The following LINGO1 variants were observed in gnomAD, a reference collection of about 807,000 sequenced individuals.
The protein encoded by LINGO1 is leucine rich repeat and Ig domain containing 1.
In LINGO1, 11 loss-of-function variants were observed where a neutral mutation model predicts 37.3. The ratio of observed to expected loss-of-function variants is 0.29; its 90% CI spans 0.19 to 0.49. The LOEUF (loss-of-function observed/expected upper bound fraction) is 0.49. Ranked by LOEUF, LINGO1 falls within the 20% of genes least tolerant of loss-of-function variation. The pLI is 0.99. For missense variants in LINGO1, 585 were observed against 878.2 expected (o/e 0.67, Z 4.22); for synonymous variants, 387 against 403.0 (o/e 0.96, Z 0.48).
intron 1 of LINGO1, among the ~76,000 whole-genome samples, chr15:77,777,318 A>G (rs1277948740): frequency 2.0e-5 from 3 of 152,050 alleles, no homozygotes; most frequent in Admixed American, 6.6e-5. Context: ...GCCACAGCAC[A>G]GGCGCACACA....
chr15:77,765,364 G>A (rs1263922028), intron 1 of LINGO1, among the ~76,000 whole-genome samples: 3 of 151,474 alleles, frequency 2.0e-5, no homozygotes, highest in African/African-American at 7.3e-5. Flanking sequence ...GCAATGAGCC[G>A]AGACCGTGCC....
chr15:77,721,245 A>G (rs1254794885), intron 2 of LINGO1, among the ~76,000 whole-genome samples: 1 of 151,734 alleles, frequency 6.6e-6, no homozygotes, highest in Non-Finnish European at 1.5e-5. Flanking sequence ...TACCTCCCCA[A>G]GCTCACTCCA....
Position 77,615,015 on chromosome 15 carries a change from G to T in LINGO1, c.892C>A (p.Pro298Thr). The T allele has an allele frequency of 1.2e-6, 2 of 1,614,058 alleles. No homozygotes were observed. The highest frequency in any genetic ancestry group is 1.6e-4 in the Middle Eastern group (1 of 6,062). ...ATGGAGCCCTCAATGGTGCTGATGGGGTTGTAGGAGAGGTTGAGGAAGCGG... is the reference window on the plus strand; with the variant it reads ...ATGGAGCCCTCAATGGTGCTGATGGTGTTGTAGGAGAGGTTGAGGAAGCGG... Reference protein sequence around the residue: ...YLRFLNLSYNPISTIEGSMLH... With the variant: ...YLRFLNLSYNTISTIEGSMLH... The change falls in exon 2 of 2, where the codon CCC becomes ACC. Residue 298 changes from proline to threonine, a missense_variant. By Grantham distance (38) the Pro-to-Thr change is conservative (BLOSUM62 -1). This residue lies in a region of LINGO1 where 484 missense variants were observed against 735.0 expected (regional missense o/e 0.66). Coordinates refer to ENST00000355300, the MANE Select transcript of LINGO1 (RefSeq NM_032808.7).
At chr15:77,669,840 G>A (rs747527131) in intron 3 of LINGO1, among the ~76,000 whole-genome samples, 1 of 152,200 alleles carries the variant, frequency 6.6e-6, no homozygotes, top group East Asian at 1.9e-4. Context: ...TCGCCTTACG[G>A]CCCAGCAACT....
intron 1 of LINGO1, among the ~76,000 whole-genome samples, chr15:77,778,040 G>A (rs62007827): frequency 0.035 from 5,392 of 152,302 alleles, 146 homozygotes; most frequent in Non-Finnish European, 0.054. Flanking sequence ...CAATTCTAGA[G>A]GCTAGAAGTC....
chr15:77,679,414 T>C (rs2075378199), intron 2 of LINGO1, among the ~76,000 whole-genome samples: 1 of 152,180 alleles, frequency 6.6e-6, no homozygotes. Flanking sequence ...TACTGGATAA[T>C]GATGATGACG....
intron 3 of LINGO1, among the ~76,000 whole-genome samples, chr15:77,664,590 G>T (rs1017315475): frequency 1.3e-5 from 2 of 152,224 alleles, no homozygotes; most frequent in Non-Finnish European, 2.9e-5. Context: ...AGGCACTCAG[G>T]TATGTGTGGG....
chr15:77,692,225 A>G (rs2075616505), intron 1 of LINGO1, among the ~76,000 whole-genome samples: 1 of 152,256 alleles, frequency 6.6e-6, no homozygotes, highest in Non-Finnish European at 1.5e-5. Flanking sequence ...TGGAATCTGC[A>G]CAACAACTGG....
chr15:77,672,685 T>C (rs1025253156), intron 3 of LINGO1, among the ~76,000 whole-genome samples: 15 of 152,168 alleles, frequency 9.9e-5, no homozygotes, highest in Non-Finnish European at 2.9e-5. Context: ...GAACCTCAGT[T>C]TTCTCATCTG....
intron 2 of LINGO1, among the ~76,000 whole-genome samples, chr15:77,684,699 C>A (rs1352670969): frequency 6.6e-6 from 1 of 152,174 alleles, no homozygotes; most frequent in Non-Finnish European, 1.5e-5. Flanking sequence ...CCCAAAACAG[C>A]CAGCTGACCC....
chr15:77,686,871 C>T (rs899495842), intron 2 of LINGO1, among the ~76,000 whole-genome samples: 1 of 152,224 alleles, frequency 6.6e-6, no homozygotes, highest in African/African-American at 2.4e-5. Context: ...CACCTGTTTG[C>T]TTGTGCCCCC....
chr15:77,776,225 A>G (rs1466891147), intron 1 of LINGO1, among the ~76,000 whole-genome samples: 2 of 151,972 alleles, frequency 1.3e-5, no homozygotes, highest in African/African-American at 4.8e-5. Flanking sequence ...CAGGGCCTGA[A>G]TACATTGCTG....
At chr15:77,667,471 G>T (rs893947320) in intron 3 of LINGO1, among the ~76,000 whole-genome samples, 1 of 152,136 alleles carries the variant, frequency 6.6e-6, no homozygotes, top group Non-Finnish European at 1.5e-5. Flanking sequence ...GAGATGAGGG[G>T]TGCTCTCAGG....
intron 1 of LINGO1, among the ~76,000 whole-genome samples, chr15:77,749,339 A>G (rs925943616): frequency 2.0e-5 from 3 of 151,576 alleles, no homozygotes; most frequent in African/African-American, 7.3e-5. Flanking sequence ...AAACAAGCCC[A>G]ATGCCATTCC....
At chr15:77,808,172 C>G (rs767129717) in intron 1 of LINGO1, among the ~76,000 whole-genome samples, 1 of 152,124 alleles carries the variant, frequency 6.6e-6, no homozygotes, top group Non-Finnish European at 1.5e-5. Context: ...ACAATTCTCC[C>G]CTGTTCAAAA....
intron 1 of LINGO1, among the ~76,000 whole-genome samples, chr15:77,742,962 C>G (rs750559855): frequency 6.6e-6 from 1 of 152,216 alleles, no homozygotes; most frequent in South Asian, 2.1e-4. Context: ...GCTTGGGGTG[C>G]GGTGAGAGGA....
chr15:77,625,672 C>T (rs1004494343), intron 1 of LINGO1, among the ~76,000 whole-genome samples: 1 of 152,160 alleles, frequency 6.6e-6, no homozygotes, highest in Non-Finnish European at 1.5e-5. Flanking sequence ...ATGCACCTTG[C>T]CTAAAGTCCC....
At chr15:77,736,457 T>C (rs1362594604) in intron 1 of LINGO1, among the ~76,000 whole-genome samples, 1 of 152,066 alleles carries the variant, frequency 6.6e-6, no homozygotes, top group Non-Finnish European at 1.5e-5. Context: ...TTGATCCTCA[T>C]TTTGTAGATG....
At chr15:77,705,206 C>CACACACACACACACA (rs57434698) in intron 2 of LINGO1, among the ~76,000 whole-genome samples, 15 of 149,064 alleles carry the variant, frequency 1.0e-4, no homozygotes, top group Non-Finnish European at 1.5e-4. Flanking sequence ...CACACACACA[C>CACACACACACACACA]CAGTCCACTT....
Sources: allele counts gnomAD v4.1 joint callset (sites outside exome capture counted in the v4.1 genomes callset), GRCh38; gene constraint gnomAD v4.1.1; regional missense constraint gnomAD v4.1.1; transcripts MANE v1.5; gene names NCBI Gene and HGNC (gene_info 2026-07-23, HGNC 2026-07-21).